MICALL1: variants seen among roughly 807,000 people sequenced by gnomAD.
MICALL1 encodes MICAL like 1.
In MICALL1, 61 loss-of-function variants were observed where a neutral mutation model predicts 83.7. That is an observed-to-expected ratio of 0.73 (90% CI 0.59 to 0.90). The LOEUF is 0.90. Ranked by LOEUF, MICALL1 falls within the 40% of genes least tolerant of loss-of-function variation. MICALL1 has a pLI of 0.00. For synonymous variants in MICALL1, 481 were observed against 473.6 expected (o/e 1.02, Z -0.20); for missense variants, 1,066 against 1,152.0 (o/e 0.93, Z 1.08).
At chr22:37,934,580 G>T (rs1929980704) in intron 13 of MICALL1, among the ~76,000 whole-genome samples, 1 of 149,584 alleles carries the variant, frequency 6.7e-6, no homozygotes, top group South Asian at 2.1e-4. Context: ...TTTGGGGGGG[G>T]GTATTTATTT....
intron 13 of MICALL1, among the ~76,000 whole-genome samples, chr22:37,935,341 C>T (rs1056767524): frequency 2.6e-5 from 4 of 151,030 alleles, no homozygotes; most frequent in South Asian, 2.1e-4. Flanking sequence ...GCTTACTGCA[C>T]GCTCCGCCTC....
chr22:37,937,005 C>T (rs1930164984), intron 13 of MICALL1, 75 bp from the exon 14 acceptor site: 1 of 1,269,074 alleles, frequency 7.9e-7, no homozygotes, highest in Non-Finnish European at 1.1e-6. Flanking sequence ...CGCACTTAGG[C>T]AGTGGCTCCT....
intron 4 of MICALL1, 80 bp downstream of exon 4, chr22:37,917,875 G>T: frequency 1.6e-6 from 2 of 1,235,854 alleles, no homozygotes; most frequent in East Asian, 2.4e-5. Flanking sequence ...GCAGTGACTG[G>T]GTCATGTGAG....
At chr22:37,922,796 G>GC (rs1168987455) in intron 6 of MICALL1, among the ~76,000 whole-genome samples, 1 of 69,200 alleles carries the variant, frequency 1.4e-5, no homozygotes, top group Non-Finnish European at 2.8e-5. Context: ...GTTTTTTTTT[G>GC]TTTTTTTTTT....
intron 5 of MICALL1, among the ~76,000 whole-genome samples, chr22:37,920,427 A>G (rs1322070318): frequency 1.3e-5 from 2 of 151,920 alleles, no homozygotes; most frequent in African/African-American, 4.8e-5. Flanking sequence ...AGGAGGAAAC[A>G]GACTCTACCA....
chr22:37,928,965 A>C (rs1176615924), intron 9 of MICALL1, among the ~76,000 whole-genome samples: 1 of 152,132 alleles, frequency 6.6e-6, no homozygotes, highest in African/African-American at 2.4e-5. Flanking sequence ...TCTACTAAAA[A>C]TACAAAAATT....
chr22:37,908,769 A>G (rs1342708929), intron 1 of MICALL1, among the ~76,000 whole-genome samples: 2 of 152,186 alleles, frequency 1.3e-5, no homozygotes, highest in South Asian at 2.1e-4. Context: ...TGGCAATTCC[A>G]TGTACCCTAT....
At chr22:37,912,041 A>ATGTGTGTGTGTG (rs3041723) in intron 2 of MICALL1, 41 bp downstream of exon 2, 3 of 1,307,036 alleles carry the variant, frequency 2.3e-6, no homozygotes, top group African/African-American at 1.5e-5. Flanking sequence ...GGCTCTGTGT[A>ATGTGTGTGTGTG]TGTGTGTGTG....
intron 1 of MICALL1, among the ~76,000 whole-genome samples, chr22:37,910,092 A>G (rs1414837422): frequency 6.6e-6 from 1 of 152,238 alleles, no homozygotes; most frequent in Non-Finnish European, 1.5e-5. Context: ...CCCCAGAGCC[A>G]AGTAGAACTC....
intron 1 of MICALL1, among the ~76,000 whole-genome samples, chr22:37,907,975 G>C (rs1327981608): frequency 5.9e-5 from 9 of 152,202 alleles, no homozygotes; most frequent in Admixed American, 5.9e-4. Flanking sequence ...GGGGTCTTCT[G>C]TTTTGTTTGA....
At chr22:37,918,891 G>C in intron 4 of MICALL1, 145 bp from the exon 5 acceptor site, 1 of 1,024,180 alleles carries the variant, frequency 9.8e-7, no homozygotes, top group Non-Finnish European at 1.3e-6. Context: ...CCCTCCTGGG[G>C]CCCTGATGAA....
chr22:37,935,388 G>A (rs889265307), intron 13 of MICALL1, among the ~76,000 whole-genome samples: 7 of 151,714 alleles, frequency 4.6e-5, no homozygotes, highest in Non-Finnish European at 8.8e-5. Context: ...AGCCTCCCGT[G>A]TAGCTGGGAC....
chr22:37,934,107 C>T (rs942977630), intron 13 of MICALL1, among the ~76,000 whole-genome samples: 2 of 152,238 alleles, frequency 1.3e-5, no homozygotes, highest in African/African-American at 4.8e-5. Context: ...AGAGCGGGCA[C>T]GGCTCCTCTG....
intron 5 of MICALL1, among the ~76,000 whole-genome samples, chr22:37,921,618 A>T (rs916063375): frequency 4.6e-5 from 7 of 151,938 alleles, no homozygotes; most frequent in Non-Finnish European, 1.0e-4. Flanking sequence ...ACAAAACAAC[A>T]CCTGATTGGG....
intron 7 of MICALL1, among the ~76,000 whole-genome samples, chr22:37,925,337 T>C (rs959524745): frequency 6.6e-6 from 1 of 152,182 alleles, no homozygotes; most frequent in Admixed American, 6.5e-5. Context: ...AAGGTCCCCA[T>C]TGAGTGGAAA....
At chr22:37,912,659 G>T (rs1445410927) in intron 3 of MICALL1, among the ~76,000 whole-genome samples, 167 bp downstream of exon 3, 4 of 151,240 alleles carry the variant, frequency 2.6e-5, no homozygotes, top group African/African-American at 9.7e-5. Context: ...TTTTTTTTGA[G>T]ACAGAGTTTC....
At position 37,927,801 on chromosome 22, in the gene MICALL1, G is replaced by A. The variant is rs1489007724; in HGVS notation, c.1856G>A (p.Ser619Asn). The A allele has an allele frequency of 3.7e-6, 6 of 1,610,138 alleles. No homozygotes were observed. The highest frequency in any genetic ancestry group is 1.7e-5 in the Admixed American group (1 of 59,862). ...GDRSPVPSPGSSSPQLQVKSS... is the reference protein window; with the variant it reads ...GDRSPVPSPGNSSPQLQVKSS... ...AGGAGCCCGGTGCCTTCCCCTGGAA[G>A]CTCGTCCCCACAGCTGCAGGTAAAG... is the stretch of plus-strand genomic sequence containing the variant. The change falls in exon 9 of 16, where the codon AGC (serine) becomes AAC (asparagine). Residue 619 changes from serine (S) to asparagine (N), a missense_variant. Coordinates refer to ENST00000215957, the MANE Select transcript of MICALL1 (RefSeq NM_033386.4).
At chr22:37,909,184 C>G (rs1016293056) in intron 1 of MICALL1, among the ~76,000 whole-genome samples, 1 of 152,038 alleles carries the variant, frequency 6.6e-6, no homozygotes, top group African/African-American at 2.4e-5. Flanking sequence ...TCCCAAGTAG[C>G]TGGGATTACA....
intron 13 of MICALL1, 67 bp from the exon 14 acceptor site, chr22:37,937,013 C>T: frequency 1.5e-6 from 2 of 1,372,024 alleles, no homozygotes; most frequent in East Asian, 2.5e-5. Context: ...GGCAGTGGCT[C>T]CTGGTGGCCT....
Sources: allele counts gnomAD v4.1 joint callset (sites outside exome capture counted in the v4.1 genomes callset), GRCh38; gene constraint gnomAD v4.1.1; transcripts MANE v1.5; gene names NCBI Gene and HGNC (gene_info 2026-07-23, HGNC 2026-07-21).